OPTN: variants seen among roughly 807,000 people sequenced by gnomAD.
The protein encoded by OPTN is optineurin.
In OPTN, 54 loss-of-function variants were observed where a neutral mutation model predicts 70.4. The ratio of observed to expected loss-of-function variants is 0.77; its 90% confidence interval spans 0.62 to 0.96. OPTN has a LOEUF of 0.96. Ranked by LOEUF, OPTN falls within the 40% of genes least tolerant of loss-of-function variation. The probability of loss-of-function intolerance (pLI) is 0.00; values close to 1 mark genes in which losing one functional copy is unlikely to be tolerated. For synonymous variants in OPTN, 256 were observed against 248.5 expected (o/e 1.03, Z -0.28); for missense variants, 624 against 673.2 (o/e 0.93, Z 0.81).
rs1415556355 is a variant in OPTN, at chr10:13,138,074, C to T, written c.*1208C>T. 5.0e-6 allele frequency: 1 copy of T among 198,034 alleles called. No individual in the cohort carries two copies. The highest frequency in any genetic ancestry group is 2.3e-5 in the African/African-American group (1 of 43,314). 12.3% of individuals were successfully genotyped at this position (198,034 alleles called of 1,614,324 possible). ...TTAAGCTGTATACTTAGTCATATAT[C>T]TTTCATTAGTTCTATGGATATGAGC... On this transcript the variant is annotated 3_prime_UTR_variant, in exon 15 of 15. Coordinates refer to ENST00000378747, the MANE Select transcript of OPTN (RefSeq NM_001008212.2).
rs56147136 is a variant in OPTN, at chr10:13,128,502, C to CTTTTTTTTTTTTTTTTTTTTTTTTTT, written c.1401+606_1401+631dup. Reference sequence around the variant, plus strand: ...TTGTGAAGTGCCTTATCAAGCCTGCCTTTTTTTTTTTTTTTTTTTTTTTTT... The same window carrying CTTTTTTTTTTTTTTTTTTTTTTTTTT: ...TTGTGAAGTGCCTTATCAAGCCTGCCTTTTTTTTTTTTTTTTTTTTTTTTTTTTTTTTTTTTTTTTTTTTTTTTTTT... On this transcript the variant is annotated intron_variant, in intron 12 of 14. Coordinates refer to ENST00000378747, the MANE Select transcript of OPTN (RefSeq NM_001008212.2). 3.9e-4 allele frequency among the ~76,000 whole-genome samples: 13 copies of CTTTTTTTTTTTTTTTTTTTTTTTTTT among 33,486 alleles called. 4 individuals are homozygous for CTTTTTTTTTTTTTTTTTTTTTTTTTT. The highest frequency in any genetic ancestry group is 4.7e-4 in the Non-Finnish European group (8 of 17,124). 22.0% of individuals were successfully genotyped at this position (33,486 alleles called of 152,430 possible).
At chr10:13,135,810 A>G (rs970925291) in intron 14 of OPTN, among the ~76,000 whole-genome samples, 26 of 152,144 alleles carry the variant, frequency 1.7e-4, no homozygotes, top group African/African-American at 6.0e-4. Context: ...TTCTTCTCGC[A>G]GATATCCTAG....
At chr10:13,100,895 C>T (rs1256004940) in intron 1 of OPTN, among the ~76,000 whole-genome samples, 1 of 152,208 alleles carries the variant, frequency 6.6e-6, no homozygotes, top group Non-Finnish European at 1.5e-5. Context: ...CAGGTTCCGA[C>T]CTGGCCTCCA....
At chr10:13,129,012 TC>T (rs1833534021) in intron 12 of OPTN, among the ~76,000 whole-genome samples, 1 of 151,966 alleles carries the variant, frequency 6.6e-6, no homozygotes, top group South Asian at 2.1e-4. Context: ...ACTTTTTGTG[TC>T]CTGTTTAAGA....
Position 13,110,333 on chromosome 10 carries a change from A to T in OPTN, c.226A>T (p.Thr76Ser). ...GAGATTTGAGGAGCTTTCGGCCTGG[A>T]CAGAGAAACAGAAGGAAGAACGCCA... The part of the protein sequence containing the change: ...KGRFEELSAW[T>S]EKQKEERQFF... The change falls in exon 4 of 15, where the codon ACA becomes TCA. Residue 76 changes from threonine (T) to serine (S), a missense_variant. Coordinates refer to ENST00000378747, the MANE Select transcript of OPTN (RefSeq NM_001008212.2). 1 of 1,614,162 alleles carries T rather than the reference A, an allele frequency of 6.2e-7. No homozygotes were observed. Among genetic ancestry groups the T allele is most frequent in the Non-Finnish European group, 8.5e-7 (1 of 1,180,042 alleles).
chr10:13,135,843 C>G (rs1448035753), intron 14 of OPTN, among the ~76,000 whole-genome samples: 2 of 152,108 alleles, frequency 1.3e-5, no homozygotes, highest in African/African-American at 4.8e-5. Flanking sequence ...CATGCATTGT[C>G]CTGTACCTAG....
At chr10:13,132,006 A>G in intron 12 of OPTN, 61 bp from the exon 13 acceptor site, 2 of 1,559,406 alleles carry the variant, frequency 1.3e-6, no homozygotes, top group Non-Finnish European at 1.8e-6. Context: ...CATCGCATAA[A>G]CACTGTAAGA....
At chr10:13,125,609 G>C in intron 10 of OPTN, 42 bp downstream of exon 10, 1 of 1,610,870 alleles carries the variant, frequency 6.2e-7, no homozygotes, top group Non-Finnish European at 8.5e-7. Flanking sequence ...GGGCAGAGGA[G>C]GGAGAATCGC....
At chr10:13,117,588 G>C (rs1833248786) in intron 6 of OPTN, among the ~76,000 whole-genome samples, 1 of 151,816 alleles carries the variant, frequency 6.6e-6, no homozygotes, top group African/African-American at 2.4e-5. Context: ...TGGGAATACA[G>C]GTGGCCGCCA....
chr10:13,110,075 T>C lies in OPTN; in HGVS notation c.167-199T>C, dbSNP rs1057059212. The C allele has an allele frequency of 3.5e-6, 3 of 868,582 alleles. No individual in the cohort carries two copies. In the African/African-American group the frequency reaches 5.1e-5, roughly 15 times the overall value. 53.8% of individuals were successfully genotyped at this position (868,582 alleles called of 1,614,324 possible). Reference sequence around the variant, plus strand: ...TTATTTTCTTGGGATTTTTAAGGACTAGAAATGATGTTCATCCCGCTAGTC... The same window carrying C: ...TTATTTTCTTGGGATTTTTAAGGACCAGAAATGATGTTCATCCCGCTAGTC... On this transcript the variant is annotated intron_variant, in intron 3 of 14. Transcript: ENST00000378747.
chr10:13,116,260 T>C lies in OPTN; in HGVS notation c.553-7T>C. Reference sequence around the variant, plus strand: ...GTGTTAAATCCCTTGCATTTCTGTTTTCACAGGAAGGAGAAGCAGAAGGGT... The same window carrying C: ...GTGTTAAATCCCTTGCATTTCTGTTCTCACAGGAAGGAGAAGCAGAAGGGT... On this transcript the variant is annotated splice_region_variant and splice_polypyrimidine_tract_variant and intron_variant, in intron 5 of 14. Transcript: ENST00000378747. The C allele has an allele frequency of 6.3e-7, 1 of 1,591,652 alleles. No homozygotes were observed.
At chr10:13,122,022 C>G (rs1833362140) in intron 7 of OPTN, among the ~76,000 whole-genome samples, 2 of 152,186 alleles carry the variant, frequency 1.3e-5, no homozygotes, top group Non-Finnish European at 2.9e-5. Context: ...AAAAGTCTTT[C>G]CTTCTCTAAT....
At chr10:13,130,257 T>A (rs1833564619) in intron 12 of OPTN, among the ~76,000 whole-genome samples, 1 of 151,514 alleles carries the variant, frequency 6.6e-6, no homozygotes, top group African/African-American at 2.4e-5. Flanking sequence ...AAACCCCGTC[T>A]CTACTAAAAA....
Position 13,125,586 on chromosome 10 carries a change from A to C in OPTN, c.1148+19A>C, listed in dbSNP as rs760542120. ...ATGAAAAGTGAGTATGTTGAGTCAG[A>C]AGGGCAGCGACGGGGCAGAGGAGGG... is the stretch of plus-strand genomic sequence containing the variant. On this transcript the variant is annotated intron_variant, in intron 10 of 14. Coordinates refer to ENST00000378747, the MANE Select transcript of OPTN (RefSeq NM_001008212.2). 6.2e-7 allele frequency: 1 copy of C among 1,614,078 alleles called. No homozygotes were observed. Among genetic ancestry groups the C allele is most frequent in the Non-Finnish European group, 8.5e-7 (1 of 1,179,932 alleles).
chr10:13,137,589 T>C lies in OPTN; in HGVS notation c.*723T>C, dbSNP rs972267839. Reference sequence around the variant, plus strand: ...AATGAAGTGGCCACAGTATGTGCTGTTTTTGAAGCATTTTTAAAAACGAAT... The same window carrying C: ...AATGAAGTGGCCACAGTATGTGCTGCTTTTGAAGCATTTTTAAAAACGAAT... On this transcript the variant is annotated 3_prime_UTR_variant, in exon 15 of 15. Coordinates refer to ENST00000378747, the MANE Select transcript of OPTN (RefSeq NM_001008212.2). The C allele has an allele frequency of 4.3e-6, 1 of 230,886 alleles. No homozygotes were observed. Among genetic ancestry groups the C allele is most frequent in the Non-Finnish European group, 8.6e-6 (1 of 116,710 alleles). 14.3% of individuals were successfully genotyped at this position (230,886 alleles called of 1,614,324 possible). A position where few individuals can be genotyped will look rare whatever the true frequency, so the allele number is the denominator to read the frequency against.
chr10:13,113,897 A>T (rs774518257), intron 5 of OPTN, among the ~76,000 whole-genome samples: 39 of 142,360 alleles, frequency 2.7e-4, no homozygotes, highest in South Asian at 1.3e-3. Flanking sequence ...GTGTGTACAT[A>T]AAAAAAAAAT....
At chr10:13,116,553 A>G in intron 6 of OPTN, 1 of 618,540 alleles carries the variant, frequency 1.6e-6, no homozygotes, top group Non-Finnish European at 3.0e-6. Context: ...TTTGGCTCAC[A>G]CTGACTGCTC....
chr10:13,120,964 G>A (rs910946565), intron 7 of OPTN, among the ~76,000 whole-genome samples: 4 of 152,158 alleles, frequency 2.6e-5, no homozygotes, highest in Admixed American at 6.6e-5. Flanking sequence ...GAGAAGGAAC[G>A]CAGGAGGCAC....
rs1024725153 is a variant in OPTN at position 13,130,162 on chromosome 10, C to T, written c.1402-1905C>T. The stretch of plus-strand genomic sequence containing the variant: ...TCAGAGACGGCCGGGCATGGTGGCT[C>T]ACACCTGTAATCCCAGCACTTTGGG... On this transcript the variant is annotated intron_variant, in intron 12 of 14. Coordinates refer to ENST00000378747, the MANE Select transcript of OPTN (RefSeq NM_001008212.2). 2.0e-5 allele frequency among the ~76,000 whole-genome samples: 3 copies of T among 152,086 alleles called. No individual in the cohort carries two copies. In the South Asian group the frequency reaches 6.2e-4, roughly 32 times the overall value.
Sources: allele counts gnomAD v4.1 joint callset (sites outside exome capture counted in the v4.1 genomes callset), GRCh38; gene constraint gnomAD v4.1.1; transcripts MANE v1.5; gene names NCBI Gene and HGNC (gene_info 2026-07-23, HGNC 2026-07-21).